The following ADCY2 variants were observed in gnomAD, a reference collection of about 807,000 sequenced individuals.
ADCY2 encodes the protein adenylate cyclase 2.
Under a neutral mutation model 125.2 loss-of-function variants are expected in ADCY2, and 31 were observed. That is an observed-to-expected ratio of 0.25 (90% confidence interval 0.19 to 0.33). ADCY2 has a LOEUF of 0.33. Among genes scored for constraint, ADCY2 ranks in the 10% least tolerant of loss-of-function variants. ADCY2 has a pLI of 1.00. For missense variants in ADCY2, 904 were observed against 1,418.2 expected (o/e 0.64, Z 5.82); for synonymous variants, 512 against 548.4 (o/e 0.93, Z 0.93).
At chr5:7,507,234 G>A (rs1246079060) in intron 2 of ADCY2, among the ~76,000 whole-genome samples, 2 of 146,772 alleles carry the variant, frequency 1.4e-5, no homozygotes, top group Non-Finnish European at 3.0e-5. Flanking sequence ...GAGGTCAGGA[G>A]ATCGAGACCA....
chr5:7,552,726 G>C (rs2126576039), intron 3 of ADCY2, among the ~76,000 whole-genome samples: 1 of 152,270 alleles, frequency 6.6e-6, no homozygotes, highest in East Asian at 1.9e-4. Context: ...AATTATGAAT[G>C]TACCAAATAA....
At chr5:7,585,210 A>T (rs1316437385) in intron 3 of ADCY2, among the ~76,000 whole-genome samples, 2 of 152,048 alleles carry the variant, frequency 1.3e-5, no homozygotes, top group Non-Finnish European at 2.9e-5. Context: ...GGCAATTTCA[A>T]TTTTTTTGAA....
chr5:7,681,804 G>T (rs114309421), intron 4 of ADCY2, among the ~76,000 whole-genome samples: 3,007 of 152,212 alleles, frequency 0.02, 99 homozygotes, highest in African/African-American at 0.068. Flanking sequence ...GGGGGCCATT[G>T]TCCCCACTGA....
intron 2 of ADCY2, among the ~76,000 whole-genome samples, chr5:7,467,343 C>G (rs1331634786): frequency 1.3e-5 from 2 of 152,226 alleles, no homozygotes; most frequent in East Asian, 1.9e-4. Context: ...CCTACACTTC[C>G]AGGCAATTGC....
At position 7,543,424 on chromosome 5, in the gene ADCY2, A is replaced by G. The variant is rs148716224; in HGVS notation, c.570+22525A>G. On this transcript the variant is annotated intron_variant, in intron 3 of 24. Transcript: ENST00000338316. The stretch of plus-strand genomic sequence containing the variant: ...TTTCTTTGAAAAAATAAATCTTCTT[A>G]TTTGAGTTGACCCTTTTAGATCAAT... 3.0e-3 allele frequency among the ~76,000 whole-genome samples: 452 copies of G among 152,152 alleles called. 2 individuals carry two copies. Among genetic ancestry groups the G allele is most frequent in the African/African-American group, 9.9e-3 (411 of 41,506 alleles).
chr5:7,795,594 T>A (rs1466868217), intron 20 of ADCY2: 1 of 152,198 alleles, frequency 6.6e-6, no homozygotes, highest in East Asian at 1.9e-4. Flanking sequence ...CCCCTTTGTG[T>A]GGGTTGCCCC....
chr5:7,507,314 G>A (rs1290903699), intron 2 of ADCY2, among the ~76,000 whole-genome samples: 20 of 139,404 alleles, frequency 1.4e-4, no homozygotes, highest in South Asian at 2.3e-4. Flanking sequence ...AGTGGCGGGC[G>A]CCTGTAGTCC....
At position 7,689,501 on chromosome 5, in the gene ADCY2, G is replaced by T. The variant is rs894809179; in HGVS notation, c.721-1190G>T. On this transcript the variant is annotated intron_variant, in intron 4 of 24. Coordinates refer to ENST00000338316, the MANE Select transcript of ADCY2 (RefSeq NM_020546.3). ...CCTATGAGCACATACTGTGTTTTCT[G>T]TTGCCTTTGCCCTTGTCTTTCCATG... Among the ~76,000 whole-genome samples the T allele has an allele frequency of 7.9e-5, 12 of 152,280 alleles. No homozygotes were observed. In the East Asian group the frequency reaches 9.6e-4, roughly 12 times the overall value.
intron 2 of ADCY2, among the ~76,000 whole-genome samples, chr5:7,450,873 T>C (rs1579456148): frequency 6.6e-6 from 1 of 152,320 alleles, no homozygotes; most frequent in Middle Eastern, 3.4e-3. Flanking sequence ...GAGGACAGTG[T>C]ATCTGTTTAC....
chr5:7,769,380 A>G (rs1003521156), intron 17 of ADCY2, among the ~76,000 whole-genome samples: 7 of 152,230 alleles, frequency 4.6e-5, no homozygotes, highest in African/African-American at 2.4e-5. Context: ...ATGCATATGC[A>G]TAATAAATTA....
intron 2 of ADCY2, among the ~76,000 whole-genome samples, chr5:7,483,689 G>A (rs937420483): frequency 6.6e-6 from 1 of 152,122 alleles, no homozygotes. Flanking sequence ...CATTTTAGAG[G>A]GGCTGCCTTG....
chr5:7,818,012 G>A (rs973596380), intron 23 of ADCY2, among the ~76,000 whole-genome samples: 1 of 152,014 alleles, frequency 6.6e-6, no homozygotes, highest in East Asian at 1.9e-4. Context: ...CAGCTTGGTT[G>A]CGATGTGTGC....
chr5:7,535,786 G>A (rs1047384979), intron 3 of ADCY2, among the ~76,000 whole-genome samples: 1 of 152,100 alleles, frequency 6.6e-6, no homozygotes, highest in African/African-American at 2.4e-5. Flanking sequence ...TCTTGTCACT[G>A]GCAGAAAAAT....
At chr5:7,665,799 T>C (rs958064196) in intron 4 of ADCY2, among the ~76,000 whole-genome samples, 1 of 151,452 alleles carries the variant, frequency 6.6e-6, no homozygotes, top group African/African-American at 2.4e-5. Context: ...TCTGGGTCTA[T>C]TTATGTTTTG....
chr5:7,626,452 G>A (rs1388800955), intron 4 of ADCY2, 136 bp downstream of exon 4: 4 of 1,000,884 alleles, frequency 4.0e-6, no homozygotes, highest in Non-Finnish European at 5.7e-6. Context: ...CTCTGCACCT[G>A]GGGAGTGTCT....
chr5:7,791,132 G>T (rs983468788), intron 20 of ADCY2, among the ~76,000 whole-genome samples: 3 of 152,006 alleles, frequency 2.0e-5, no homozygotes, highest in African/African-American at 7.2e-5. Context: ...CACCTGGGGT[G>T]CTCCGTGGCC....
chr5:7,444,394 T>C (rs2130751), intron 2 of ADCY2, among the ~76,000 whole-genome samples: 120,570 of 151,344 alleles, frequency 0.8, 48,496 homozygotes, highest in African/African-American at 0.85. Context: ...TGATTACAGG[T>C]GTGAGCCACC....
chr5:7,555,777 T>C (rs1030515186), intron 3 of ADCY2, among the ~76,000 whole-genome samples: 6 of 151,998 alleles, frequency 3.9e-5, no homozygotes, highest in African/African-American at 1.5e-4. Flanking sequence ...TATGTTTTCA[T>C]AATGAGACTT....
chr5:7,508,241 G>A (rs72709172), intron 2 of ADCY2, among the ~76,000 whole-genome samples: 19,311 of 152,132 alleles, frequency 0.13, 1,560 homozygotes, highest in Non-Finnish European at 0.18. Context: ...TTGTGTTACC[G>A]TAACATCTTA....
Sources: allele counts gnomAD v4.1 joint callset (sites outside exome capture counted in the v4.1 genomes callset), GRCh38; gene constraint gnomAD v4.1.1; transcripts MANE v1.5; gene names NCBI Gene and HGNC (gene_info 2026-07-23, HGNC 2026-07-21).